GRM5: variants seen among roughly 807,000 people sequenced by gnomAD.
GRM5 encodes metabotropic glutamate receptor 5.
GRM5 carries 19 observed loss-of-function variants against 83.1 expected under a neutral mutation model. The observed-to-expected ratio is 0.23, with a 90% CI of 0.16 to 0.34. GRM5 has a LOEUF of 0.34. GRM5 is among the 10% of genes least tolerant of loss of function. GRM5 has a pLI of 1.00. For synonymous variants in GRM5, 675 were observed against 633.6 expected (o/e 1.07, Z -0.98); for missense variants, 1,160 against 1,588.3 (o/e 0.73, Z 4.58).
chr11:88,771,413 T>A (rs1036633517), intron 3 of GRM5, among the ~76,000 whole-genome samples: 4 of 151,458 alleles, frequency 2.6e-5, no homozygotes, highest in African/African-American at 7.3e-5. Flanking sequence ...GGCCCAAGAG[T>A]CCCTAGCAAC....
chr11:88,645,923 G>GATAC (rs1470020971), intron 4 of GRM5, among the ~76,000 whole-genome samples: 1 of 152,140 alleles, frequency 6.6e-6, no homozygotes, highest in Middle Eastern at 3.2e-3. Flanking sequence ...TACACCTTGA[G>GATAC]ATACAGCATG....
At position 89,032,552 on chromosome 11, in the gene GRM5, G is replaced by T. The variant is rs186941152; in HGVS notation, c.661+14660C>A. ...GAGTTTCTTTTCTAAAAATGAGGAG[G>T]TTAAAAAAGAACAAATACTAGCAGG... On this transcript the variant is annotated intron_variant, in intron 2 of 9. Coordinates refer to ENST00000305447, the MANE Select transcript of GRM5 (RefSeq NM_001143831.3). Among the ~76,000 whole-genome samples, 19 of 152,070 alleles carry T rather than the reference G, an allele frequency of 1.2e-4. No homozygotes were observed. In the East Asian group the frequency reaches 3.7e-3, roughly 29 times the overall value.
At chr11:88,538,427 A>T (rs1352559303) in intron 8 of GRM5, among the ~76,000 whole-genome samples, 1 of 152,188 alleles carries the variant, frequency 6.6e-6, no homozygotes, top group African/African-American at 2.4e-5. Flanking sequence ...AACATCCTCA[A>T]TAGGGAAAAC....
At chr11:88,700,137 G>A (rs1208738605) in intron 3 of GRM5, among the ~76,000 whole-genome samples, 1 of 152,098 alleles carries the variant, frequency 6.6e-6, no homozygotes, top group Non-Finnish European at 1.5e-5. Context: ...GGAAAGGCCT[G>A]CAAATAAAAT....
intron 2 of GRM5, among the ~76,000 whole-genome samples, chr11:88,851,089 A>G (rs921859535): frequency 1.3e-5 from 2 of 152,132 alleles, no homozygotes; most frequent in Non-Finnish European, 2.9e-5. Context: ...ATCTAATAGC[A>G]TAGGTTCTGC....
intron 3 of GRM5, among the ~76,000 whole-genome samples, chr11:88,673,311 T>C (rs1260084310): frequency 6.6e-6 from 1 of 151,994 alleles, no homozygotes; most frequent in Non-Finnish European, 1.5e-5. Context: ...TGACTAATAT[T>C]CTATGGAGTA....
chr11:88,511,879 G>T (rs1283019972), intron 9 of GRM5: 2 of 152,148 alleles, frequency 1.3e-5, no homozygotes, highest in Non-Finnish European at 2.9e-5. Flanking sequence ...TGTTTCGAAA[G>T]GTACAAGTAT....
intron 7 of GRM5, among the ~76,000 whole-genome samples, chr11:88,572,388 A>G (rs1182693305): frequency 1.3e-5 from 2 of 152,182 alleles, no homozygotes; most frequent in African/African-American, 2.4e-5. Flanking sequence ...GGAAAGTATT[A>G]ATTGGATGGC....
At chr11:88,548,848 G>A (rs572668255) in intron 8 of GRM5, among the ~76,000 whole-genome samples, 7 of 152,216 alleles carry the variant, frequency 4.6e-5, no homozygotes, top group Non-Finnish European at 1.0e-4. Context: ...AGAGACTAGA[G>A]AAGTGAATCT....
chr11:89,017,731 T>G (rs1940894227), intron 2 of GRM5, among the ~76,000 whole-genome samples: 1 of 152,226 alleles, frequency 6.6e-6, no homozygotes, highest in Admixed American at 6.5e-5. Flanking sequence ...CTATATCAGA[T>G]GCACTGTTGC....
At chr11:88,704,534 C>T (rs1941110276) in intron 3 of GRM5, among the ~76,000 whole-genome samples, 1 of 152,044 alleles carries the variant, frequency 6.6e-6, no homozygotes, top group Non-Finnish European at 1.5e-5. Flanking sequence ...AGGAACTGCA[C>T]ATTTTGAACA....
At chr11:88,769,251 T>C (rs907101589) in intron 3 of GRM5, among the ~76,000 whole-genome samples, 3 of 152,054 alleles carry the variant, frequency 2.0e-5, no homozygotes, top group Non-Finnish European at 2.9e-5. Flanking sequence ...ATGGTAATTG[T>C]TTAGACTTGG....
intron 3 of GRM5, among the ~76,000 whole-genome samples, chr11:88,742,051 G>C (rs1372802357): frequency 6.6e-6 from 1 of 151,868 alleles, no homozygotes; most frequent in Non-Finnish European, 1.5e-5. Flanking sequence ...GTGGAAGGAA[G>C]GTTAGGCTGT....
intron 3 of GRM5, among the ~76,000 whole-genome samples, chr11:88,682,045 T>G (rs1940509152): frequency 6.6e-6 from 1 of 152,198 alleles, no homozygotes; most frequent in Admixed American, 6.5e-5. Context: ...TTACCAATAC[T>G]TGTAGTACAA....
At chr11:88,909,088 G>A (rs563556225) in intron 2 of GRM5, among the ~76,000 whole-genome samples, 38 of 152,190 alleles carry the variant, frequency 2.5e-4, no homozygotes, top group East Asian at 9.6e-4. Flanking sequence ...TTTTCAAAAC[G>A]TTTAATTGGC....
chr11:88,879,371 T>A (rs1394199608), intron 2 of GRM5, among the ~76,000 whole-genome samples: 1 of 151,710 alleles, frequency 6.6e-6, no homozygotes, highest in African/African-American at 2.4e-5. Context: ...ATTTTTTACA[T>A]TGGGAAAATT....
intron 2 of GRM5, among the ~76,000 whole-genome samples, chr11:88,947,606 CT>C (rs1286948066): frequency 1.3e-5 from 2 of 151,810 alleles, no homozygotes; most frequent in East Asian, 3.9e-4. Flanking sequence ...CCATCTCTGG[CT>C]TTAAGTATTA....
At chr11:88,827,002 C>G (rs1164235880) in intron 3 of GRM5, among the ~76,000 whole-genome samples, 1 of 152,126 alleles carries the variant, frequency 6.6e-6, no homozygotes. Context: ...GAGCAAGATT[C>G]TACTGTAGGA....
At chr11:88,639,878 A>AG (rs1260260124) in intron 4 of GRM5, among the ~76,000 whole-genome samples, 1 of 152,152 alleles carries the variant, frequency 6.6e-6, no homozygotes. Flanking sequence ...TTTTAAATTA[A>AG]GGGCTTTCTT....
Sources: gnomAD v4.1 joint callset for allele counts (sites outside exome capture counted in the v4.1 genomes callset) on GRCh38, gnomAD v4.1.1 for gene constraint, MANE v1.5 for transcripts, NCBI Gene and HGNC (gene_info 2026-07-23, HGNC 2026-07-21) for gene names.